The following TMEM134 variants were observed in gnomAD, a reference collection of about 807,000 sequenced individuals.
TMEM134 encodes the protein transmembrane protein 134.
TMEM134 carries 36 observed loss-of-function variants against 26.2 expected under a neutral mutation model. That is an observed-to-expected ratio of 1.37 (90% CI 1.05 to 1.81). The LOEUF (loss-of-function observed/expected upper bound fraction) is 1.81, where lower values mean the gene tolerates loss of function less well. TMEM134 is among the 40% of genes most tolerant of loss of function. The pLI is 0.00. For synonymous variants in TMEM134, 133 were observed against 113.6 expected, an observed-to-expected ratio of 1.17 and a Z score of -1.08; for missense variants, 339 against 263.5, an observed-to-expected ratio of 1.29 and a Z score of -1.98.
Position 67,465,069 on chromosome 11 carries a change from C to A in TMEM134, c.438G>T (p.Ala146=). The change falls in exon 5 of 7, where the codon GCG becomes GCT. Residue 146 remains alanine, a synonymous_variant. Transcript: ENST00000308022. ...AGGGTCGCTCACCTGGAGAGGGGGT[C>A]GCCTCCAGTCCCACGCCGACCAGGA... The part of the protein sequence containing the change: ...VLILVGVGLE[A]TPSPGVSSAI... The A allele has an allele frequency of 6.3e-7, 1 of 1,583,752 alleles. No homozygotes were observed. The highest frequency in any genetic ancestry group is 8.6e-7 in the Non-Finnish European group (1 of 1,168,950).
chr11:67,467,163 A>C, intron 4 of TMEM134, 149 bp downstream of exon 4: 1 of 686,440 alleles, frequency 1.5e-6, no homozygotes, highest in Non-Finnish European at 2.5e-6. Context: ...CTGTCTCCTC[A>C]CCTGTAAAAT....
At chr11:67,468,891 GC>G (rs1327514875) in intron 1 of TMEM134, 127 bp downstream of exon 1, 1 of 957,146 alleles carries the variant, frequency 1.0e-6, no homozygotes, top group Non-Finnish European at 1.4e-6. Flanking sequence ...CGTCCGCGGG[GC>G]GGGGGGGCGG....
At chr11:67,467,904 C>T in intron 2 of TMEM134, 124 bp downstream of exon 2, 1 of 930,084 alleles carries the variant, frequency 1.1e-6, no homozygotes, top group South Asian at 1.5e-5. Context: ...AAGTGAGGGT[C>T]AGGCTAGGAA....
chr11:67,465,521 A>ATTCT (rs1865195699), intron 4 of TMEM134, among the ~76,000 whole-genome samples: 1 of 136,026 alleles, frequency 7.4e-6, no homozygotes, highest in Non-Finnish European at 1.6e-5. Flanking sequence ...CCCAGTTAGA[A>ATTCT]GAGTGATGGG....
rs1156231419 is a variant in TMEM134, at chr11:67,467,481, G to A, written c.329+20C>T. On this transcript the variant is annotated intron_variant, in intron 3 of 6. Transcript: ENST00000308022. ...TGGAGCCAGGGCTGCTCGGCTGGGG[G>A]CTTAGGCGGGCAGGCTCACCTGCAG... The A allele has an allele frequency of 1.5e-5, 24 of 1,613,556 alleles. No homozygotes were observed. The highest frequency in any genetic ancestry group is 2.2e-5 in the East Asian group (1 of 44,894).
Position 67,464,663 on chromosome 11 carries a change from T to C in TMEM134, c.539A>G (p.Lys180Arg), listed in dbSNP as rs951277725. The change falls in exon 7 of 7, where the codon AAG becomes AGG. Residue 180 changes from lysine (K) to arginine (R), a missense_variant. Physicochemically the swap from Lys to Arg is conservative, Grantham distance 26. Transcript: ENST00000308022. ...GAAGAACTGGAAGCCCCGGTGGCCC[T>C]TGACCGCGCAGTAGATGAAGATCAC... ...YHVIFIYCAV[K>R]GHRGFQFFYL... The C allele has an allele frequency of 7.7e-6, 12 of 1,553,914 alleles. No homozygotes were observed. Among genetic ancestry groups the C allele is most frequent in the Non-Finnish European group, 9.6e-6 (11 of 1,148,224 alleles).
rs376783268 is a variant in TMEM134, at chr11:67,467,591, C to G, written c.240-1G>C. 6.2e-7 allele frequency: 1 copy of G among 1,613,784 alleles called. No individual in the cohort carries two copies. The highest frequency in any genetic ancestry group is 1.3e-5 in the African/African-American group (1 of 74,908). On this transcript the variant is annotated splice_acceptor_variant, in intron 2 of 6. Transcript: ENST00000308022. LOFTEE classifies it high-confidence loss of function. The stretch of plus-strand genomic sequence containing the variant: ...GCGGATGGAAGTTCGGCTGGAATCC[C>G]TGCCAGGACAGGCGCCCAGTGAGGG...
At chr11:67,465,191 C>T in intron 4 of TMEM134, 91 bp from the exon 5 acceptor site, 1 of 1,534,776 alleles carries the variant, frequency 6.5e-7, no homozygotes, top group East Asian at 2.4e-5. Context: ...ACCACCTGAG[C>T]TGAAGGTGCC....
intron 4 of TMEM134, 135 bp from the exon 5 acceptor site, chr11:67,465,235 GCT>G (rs1321688095): frequency 7.5e-5 from 114 of 1,525,880 alleles, no homozygotes; most frequent in African/African-American, 2.1e-4. Context: ...AGCTCACCAA[GCT>G]CTGTTTCCAG....
At position 67,464,494 on chromosome 11, in the gene TMEM134, A is replaced by G. The variant is rs1025338763; in HGVS notation, c.*120T>C. On this transcript the variant is annotated 3_prime_UTR_variant, in exon 7 of 7. Coordinates refer to ENST00000308022, the MANE Select transcript of TMEM134 (RefSeq NM_025124.4). ...CCTGCATGCCCCGAACTTCCTGAGCAAACTCCCTAGGGGCTGGGGTTTCGA... is the reference window on the plus strand; with the variant it reads ...CCTGCATGCCCCGAACTTCCTGAGCGAACTCCCTAGGGGCTGGGGTTTCGA... 1.1e-5 allele frequency: 12 copies of G among 1,079,378 alleles called. No homozygotes were observed. In the African/African-American group the frequency reaches 1.8e-4, roughly 16 times the overall value. The allele number at this position is 1,079,378 out of a possible 1,614,324, so 66.9% of individuals were successfully genotyped here.
At chr11:67,467,741 G>GA in intron 2 of TMEM134, 151 bp from the exon 3 acceptor site, 1 of 750,094 alleles carries the variant, frequency 1.3e-6, no homozygotes, top group South Asian at 1.6e-5. Flanking sequence ...GGGTGAGCAT[G>GA]AATTCAGGGG....
At position 67,464,444 on chromosome 11, in the gene TMEM134, G is replaced by A. The variant is rs570346753; in HGVS notation, c.*170C>T. 22 of 662,186 alleles carry A rather than the reference G, an allele frequency of 3.3e-5. No individual in the cohort carries two copies. The highest frequency in any genetic ancestry group is 2.4e-4 in the East Asian group (9 of 36,768). The allele number at this position is 662,186 out of a possible 1,614,324, so 41.0% of individuals were successfully genotyped here. A position where few individuals can be genotyped will look rare whatever the true frequency, so the allele number is the denominator to read the frequency against. ...GAATAAGTTAAGGCACAGAGCAGGC[G>A]ACGGGCGGCTTTCCCAGGGCCAGGC... On this transcript the variant is annotated 3_prime_UTR_variant, in exon 7 of 7. Coordinates refer to ENST00000308022, the MANE Select transcript of TMEM134 (RefSeq NM_025124.4).
chr11:67,464,908 C>G lies in TMEM134; in HGVS notation c.452-52G>C, dbSNP rs779889732. The G allele has an allele frequency of 5.6e-6, 9 of 1,598,278 alleles. No individual in the cohort carries two copies. The East Asian group carries it at 1.3e-4, about 24-fold the overall frequency. ...GGGCGAGGGGGCGGAGGCTTCGAGGCCTTCCGGGCTGCCGCTGACTGCCCG... is the reference window on the plus strand; with the variant it reads ...GGGCGAGGGGGCGGAGGCTTCGAGGGCTTCCGGGCTGCCGCTGACTGCCCG... On this transcript the variant is annotated intron_variant, in intron 5 of 6. Transcript: ENST00000308022.
Position 67,467,369 on chromosome 11 carries a change from T to G in TMEM134, c.349A>C (p.Ile117Leu). ...AGCACCACTCGGCGGTTCTTCTGGATCAAAGGGTGTTGGGTCCAGCTGGGT... is the reference window on the plus strand; with the variant it reads ...AGCACCACTCGGCGGTTCTTCTGGAGCAAAGGGTGTTGGGTCCAGCTGGGT... ...TCCSWTQHPL[I>L]QKNRRVVLAS... The change falls in exon 4 of 7, where the codon ATC becomes CTC. Residue 117 changes from isoleucine (I) to leucine (L), a missense_variant. Transcript: ENST00000308022. 6.2e-7 allele frequency: 1 copy of G among 1,613,646 alleles called. No individual in the cohort carries two copies. The highest frequency in any genetic ancestry group is 1.1e-5 in the South Asian group (1 of 91,070).
In TMEM134 at chr11:67,464,478, C is replaced by G. The variant is rs1865109262; in HGVS notation, c.*136G>C. The G allele has an allele frequency of 1.1e-6, 1 of 904,272 alleles. No individual in the cohort carries two copies. The highest frequency in any genetic ancestry group is 1.5e-5 in the South Asian group (1 of 65,268). 56.0% of individuals were successfully genotyped at this position (904,272 alleles called of 1,614,324 possible). A position where few individuals can be genotyped will look rare whatever the true frequency, so the allele number is the denominator to read the frequency against. On this transcript the variant is annotated 3_prime_UTR_variant, in exon 7 of 7. Coordinates refer to ENST00000308022, the MANE Select transcript of TMEM134 (RefSeq NM_025124.4). The stretch of plus-strand genomic sequence containing the variant: ...CTTTCCCAGGGCCAGGCCTGCATGC[C>G]CCGAACTTCCTGAGCAAACTCCCTA...
intron 2 of TMEM134, 88 bp downstream of exon 2, chr11:67,467,940 G>T: frequency 8.3e-7 from 1 of 1,203,304 alleles, no homozygotes; most frequent in South Asian, 1.3e-5. Context: ...GGAAGAGAGT[G>T]AGTGAAGTGG....
rs2135208475 is a variant in TMEM134 at position 67,464,712 on chromosome 11, T to G, written c.506-16A>C. 1 of 1,551,438 alleles carries G rather than the reference T, an allele frequency of 6.4e-7. No homozygotes were observed. Among genetic ancestry groups the G allele is most frequent in the South Asian group, 1.2e-5 (1 of 84,210 alleles). On this transcript the variant is annotated splice_polypyrimidine_tract_variant and intron_variant, in intron 6 of 6. Transcript: ENST00000308022. ...ACGTGATAGACTGCGGGGCGGGGCC[T>G]GTCAGCGCAGAAGCCCCGCCCCTCC...
chr11:67,464,196 C>A lies in TMEM134; in HGVS notation c.*418G>T, dbSNP rs1451810575. 7.2e-6 allele frequency: 2 copies of A among 277,578 alleles called. No homozygotes were observed. The highest frequency in any genetic ancestry group is 1.4e-5 in the Non-Finnish European group (2 of 142,350). The allele number at this position is 277,578 out of a possible 1,614,324, so 17.2% of individuals were successfully genotyped here. ...GTCCTACGCCCAGCTCTGCCCCTAA[C>A]ATGCCCCGTGCCCTTGGGCAAGCCT... is the stretch of plus-strand genomic sequence containing the variant. On this transcript the variant is annotated 3_prime_UTR_variant, in exon 7 of 7. Transcript: ENST00000308022.
rs1017573400 is a variant in TMEM134 at position 67,463,524 on chromosome 11, G to C, written c.*1090C>G. ...GATTACAAGATATAACCCGTGTTCA[G>C]TGCTTAGCGCAGGGCCTAGTATATT... On this transcript the variant is annotated 3_prime_UTR_variant, in exon 7 of 7. Coordinates refer to ENST00000308022, the MANE Select transcript of TMEM134 (RefSeq NM_025124.4). The C allele has an allele frequency of 1.3e-5, 2 of 151,906 alleles. No individual in the cohort carries two copies. Among genetic ancestry groups the C allele is most frequent in the Non-Finnish European group, 2.9e-5 (2 of 68,034 alleles). 9.4% of individuals were successfully genotyped at this position (151,906 alleles called of 1,614,324 possible).
Sources: allele counts gnomAD v4.1 joint callset (sites outside exome capture counted in the v4.1 genomes callset), GRCh38; gene constraint gnomAD v4.1.1; transcripts MANE v1.5; gene names NCBI Gene and HGNC (gene_info 2026-07-23, HGNC 2026-07-21).